The following NUP210 variants were observed in gnomAD, a reference collection of about 807,000 sequenced individuals.
NUP210 encodes the protein nuclear pore membrane glycoprotein 210.
A neutral mutation model predicts 196.0 loss-of-function variants in NUP210; 151 were observed. That is an observed-to-expected ratio of 0.77 (90% CI 0.67 to 0.88). NUP210 has a LOEUF of 0.88. Among genes scored for constraint, NUP210 ranks in the 40% least tolerant of loss-of-function variants. The pLI, the probability that NUP210 is intolerant of heterozygous loss-of-function variation, is 0.00. For missense variants in NUP210, 2,314 were observed against 2,493.7 expected, an observed-to-expected ratio of 0.93 and a Z score of 1.53; for synonymous variants, 1,070 against 1,052.7, an observed-to-expected ratio of 1.02 and a Z score of -0.32.
chr3:13,410,051 A>G (rs1161230969), intron 1 of NUP210, among the ~76,000 whole-genome samples: 1 of 149,870 alleles, frequency 6.7e-6, no homozygotes, highest in African/African-American at 2.5e-5. Context: ...TTTAGTAGAA[A>G]CGGTTTCACC....
chr3:13,361,761 C>T (rs530283424), intron 14 of NUP210, among the ~76,000 whole-genome samples: 1 of 152,288 alleles, frequency 6.6e-6, no homozygotes, highest in East Asian at 1.9e-4. Flanking sequence ...TTAAACTATT[C>T]CACGCACCCA....
At chr3:13,328,704 C>T (rs561509276) in intron 31 of NUP210, 67 bp downstream of exon 31, 2 of 1,417,532 alleles carry the variant, frequency 1.4e-6, no homozygotes, top group South Asian at 1.2e-5. Context: ...TCTGTGTTAT[C>T]CCCAGTTGTC....
intron 28 of NUP210, 35 bp downstream of exon 28, chr3:13,335,419 C>A (rs776293849): frequency 7.5e-6 from 12 of 1,598,540 alleles, no homozygotes; most frequent in Non-Finnish European, 1.0e-5. Flanking sequence ...CACTTCCTCT[C>A]CCCCTTCCCT....
intron 20 of NUP210, among the ~76,000 whole-genome samples, chr3:13,349,365 A>C (rs1278816858): frequency 6.6e-6 from 1 of 152,174 alleles, no homozygotes; most frequent in Non-Finnish European, 1.5e-5. Context: ...GCTTGCTGAG[A>C]CTGAGTCCCA....
At chr3:13,386,449 G>A in intron 5 of NUP210, 42 bp from the exon 6 acceptor site, 3 of 1,611,296 alleles carry the variant, frequency 1.9e-6, no homozygotes, top group East Asian at 4.5e-5. Flanking sequence ...GTGCGGACAG[G>A]GAATGGGGAA....
intron 1 of NUP210, among the ~76,000 whole-genome samples, chr3:13,405,714 A>G (rs563650641): frequency 2.6e-5 from 4 of 152,282 alleles, no homozygotes; most frequent in African/African-American, 9.6e-5. Flanking sequence ...TTATCACTGA[A>G]TCCTCCACCA....
At position 13,376,404 on chromosome 3, in the gene NUP210, C is replaced by A; in HGVS notation, c.1180G>T (p.Ala394Ser). The change falls in exon 10 of 40, where the codon GCT (alanine) becomes TCT (serine). Residue 394 changes from alanine to serine, a missense_variant. Ala to Ser is a moderately conservative substitution (Grantham distance 99). Transcript: ENST00000254508. Reference protein sequence around the residue: ...DNIRIETVLPAEFFEVLSSSQ... With the variant: ...DNIRIETVLPSEFFEVLSSSQ... ...GACGAGAGCACCTCGAAGAACTCAG[C>A]AGGAAGCACAGTTTCAATTCGGATG... The A allele has an allele frequency of 1.9e-6, 3 of 1,614,214 alleles. No individual in the cohort carries two copies. The highest frequency in any genetic ancestry group is 1.7e-6 in the Non-Finnish European group (2 of 1,180,036).
At chr3:13,419,376 C>T (rs1488723114) in intron 1 of NUP210, among the ~76,000 whole-genome samples, 4 of 152,166 alleles carry the variant, frequency 2.6e-5, no homozygotes, top group Non-Finnish European at 5.9e-5. Flanking sequence ...TTCATGGGTC[C>T]CTGTGGTTCC....
chr3:13,388,212 T>A (rs761206631), intron 5 of NUP210, 91 bp downstream of exon 5: 23 of 913,778 alleles, frequency 2.5e-5, no homozygotes, highest in Non-Finnish European at 3.6e-5. Context: ...CTATTCAACG[T>A]GCCTATAGGT....
chr3:13,337,771 T>C, intron 26 of NUP210, 66 bp downstream of exon 26: 1 of 1,455,596 alleles, frequency 6.9e-7, no homozygotes, highest in Non-Finnish European at 9.4e-7. Context: ...GCACTCTAAC[T>C]TGAGGACAGG....
intron 1 of NUP210, among the ~76,000 whole-genome samples, chr3:13,418,897 C>A (rs1204917530): frequency 4.4e-5 from 6 of 137,264 alleles, no homozygotes; most frequent in Non-Finnish European, 9.0e-5. Context: ...TGCAGTGAGC[C>A]GAAATCGCAC....
intron 3 of NUP210, among the ~76,000 whole-genome samples, chr3:13,396,593 CA>C (rs113748853): frequency 0.17 from 17,173 of 101,500 alleles, 1,165 homozygotes; most frequent in African/African-American, 0.26. Context: ...ACTAAAAATA[CA>C]AAAAAAAAAA....
intron 1 of NUP210, among the ~76,000 whole-genome samples, chr3:13,412,171 A>G (rs182785267): frequency 8.8e-4 from 133 of 151,442 alleles, no homozygotes; most frequent in African/African-American, 2.9e-3. Context: ...CTCCTGCCTC[A>G]GCCTCAGGAG....
Position 13,340,363 on chromosome 3 carries a change from A to G in NUP210, c.3229-65T>C. On this transcript the variant is annotated intron_variant, in intron 23 of 39. Coordinates refer to ENST00000254508, the MANE Select transcript of NUP210 (RefSeq NM_024923.4). The surrounding 1 kb of genome is among the most constrained non-coding windows in gnomAD (Gnocchi z 4.0). ...AAGCCCATGGCGCCAAGCATAACTC[A>G]CACACTACATGTTTCATGAGAGGAA... 1 of 1,390,890 alleles carries G rather than the reference A, an allele frequency of 7.2e-7. No individual in the cohort carries two copies. Among genetic ancestry groups the G allele is most frequent in the Non-Finnish European group, 1.0e-6 (1 of 980,354 alleles). 86.2% of individuals were successfully genotyped at this position (1,390,890 alleles called of 1,614,324 possible). A position where few individuals can be genotyped will look rare whatever the true frequency, so the allele number is the denominator to read the frequency against.
intron 14 of NUP210, among the ~76,000 whole-genome samples, chr3:13,361,499 CAGG>C (rs1698368375): frequency 2.0e-5 from 3 of 152,160 alleles, no homozygotes; most frequent in Non-Finnish European, 4.4e-5. Context: ...GGAGACTCCA[CAGG>C]AGGACTCCTC....
chr3:13,400,341 G>A (rs961430433), intron 1 of NUP210, among the ~76,000 whole-genome samples: 2 of 152,138 alleles, frequency 1.3e-5, no homozygotes, highest in Non-Finnish European at 2.9e-5. Context: ...CACTAACCCT[G>A]GGGATCACTA....
intron 14 of NUP210, among the ~76,000 whole-genome samples, chr3:13,362,411 A>G (rs1168660579): frequency 1.3e-5 from 2 of 152,140 alleles, no homozygotes; most frequent in Non-Finnish European, 2.9e-5. Flanking sequence ...AATTATGGCT[A>G]TCTATGAGGA....
intron 21 of NUP210, 135 bp downstream of exon 21, chr3:13,343,040 C>T (rs538694248): frequency 3.5e-5 from 38 of 1,075,482 alleles, no homozygotes; most frequent in Admixed American, 2.0e-4. Flanking sequence ...GAGACAGCTC[C>T]GCAAGCTCAC....
In NUP210 at chr3:13,348,740, G is replaced by A. The variant is rs1163284498; in HGVS notation, c.2835+3139C>T. The A allele has an allele frequency of 5.1e-6, 5 of 985,130 alleles. No homozygotes were observed. Among genetic ancestry groups the A allele is most frequent in the Non-Finnish European group, 6.0e-6 (5 of 829,918 alleles). The allele number at this position is 985,130 out of a possible 1,614,324, so 61.0% of individuals were successfully genotyped here. On this transcript the variant is annotated intron_variant, in intron 20 of 39. Coordinates refer to ENST00000254508, the MANE Select transcript of NUP210 (RefSeq NM_024923.4). This position sits in a 1 kb window ranked among gnomAD's most constrained non-coding sequence, Gnocchi z 4.0. Reference sequence around the variant, plus strand: ...TGCTGAGGGCGTCCTGCCATCCAAGGGTCTGCCTCTGAGAAGAACAGGAAC... The same window carrying A: ...TGCTGAGGGCGTCCTGCCATCCAAGAGTCTGCCTCTGAGAAGAACAGGAAC...
Sources: allele counts gnomAD v4.1 joint callset (sites outside exome capture counted in the v4.1 genomes callset), GRCh38; gene constraint gnomAD v4.1.1; non-coding constraint Gnocchi (gnomAD v3.1); transcripts MANE v1.5; gene names NCBI Gene and HGNC (gene_info 2026-07-23, HGNC 2026-07-21).